Variants in TNKS observed in about 807,000 individuals in gnomAD.
The protein encoded by TNKS is poly [ADP-ribose] polymerase tankyrase-1.
TNKS carries 72 observed loss-of-function variants against 135.8 expected under a neutral mutation model. That is an observed-to-expected ratio of 0.53 (90% CI 0.44 to 0.64). The LOEUF (loss-of-function observed/expected upper bound fraction) is 0.64, where lower values mean the gene tolerates loss of function less well. Among genes scored for constraint, TNKS ranks in the 30% least tolerant of loss-of-function variants. The pLI, the probability that TNKS is intolerant of heterozygous loss-of-function variation, is 0.00. For missense variants in TNKS, 1,769 were observed against 1,674.0 expected (o/e 1.06, Z -0.99); for synonymous variants, 849 against 649.3 (o/e 1.31, Z -4.68).
At chr8:9,682,375 A>T (rs1227997057) in intron 5 of TNKS, among the ~76,000 whole-genome samples, 1 of 152,116 alleles carries the variant, frequency 6.6e-6, no homozygotes, top group Non-Finnish European at 1.5e-5. Context: ...AGTGCAATAA[A>T]TCATAATAAT....
intron 1 of TNKS, among the ~76,000 whole-genome samples, chr8:9,569,575 T>G (rs956580077): frequency 1.3e-5 from 2 of 152,250 alleles, no homozygotes; most frequent in Admixed American, 1.3e-4. Flanking sequence ...ACTTACCCAT[T>G]CTACTGTTGA....
chr8:9,729,771 C>CTTTTTTTTTTTTTTT (rs763357075), intron 13 of TNKS, among the ~76,000 whole-genome samples: 1 of 95,016 alleles, frequency 1.1e-5, no homozygotes, highest in Non-Finnish European at 1.9e-5. Context: ...ATATGATATT[C>CTTTTTTTTTTTTTTT]TTTTTTTTTT....
At chr8:9,763,715 T>C (rs1807270604) in intron 22 of TNKS, among the ~76,000 whole-genome samples, 1 of 152,182 alleles carries the variant, frequency 6.6e-6, no homozygotes, top group South Asian at 2.1e-4. Context: ...CCAGTCACAG[T>C]TCTTCTGAGC....
chr8:9,703,741 A>G (rs999058402), intron 5 of TNKS, among the ~76,000 whole-genome samples: 2 of 152,354 alleles, frequency 1.3e-5, no homozygotes, highest in African/African-American at 4.8e-5. Context: ...GACCCCAAAT[A>G]GAAGACAGGA....
rs897112136 is a variant in TNKS at position 9,706,816 on chromosome 8, A to T, written c.1275A>T (p.Gly425=). 6.2e-7 allele frequency: 1 copy of T among 1,608,694 alleles called. No individual in the cohort carries two copies. The highest frequency in any genetic ancestry group is 8.5e-7 in the Non-Finnish European group (1 of 1,178,502). ...YEVTELLLKH[G]ACVNAMDLWQ... is the part of the protein sequence containing the mutation. ...TGTTTTTTTTCTCAATTCAGCATGG[A>T]GCTTGTGTTAATGCCATGGATCTCT... Residue 425 remains glycine, a synonymous_variant, in exon 8 of 27, where the codon GGA becomes GGT. Transcript: ENST00000310430.
At chr8:9,565,207 G>A (rs944655979) in intron 1 of TNKS, among the ~76,000 whole-genome samples, 1 of 152,162 alleles carries the variant, frequency 6.6e-6, no homozygotes, top group East Asian at 1.9e-4. Context: ...AAAGCAGCGT[G>A]AGGGTAAACT....
At chr8:9,758,023 G>A (rs1235251620) in intron 20 of TNKS, among the ~76,000 whole-genome samples, 1 of 152,148 alleles carries the variant, frequency 6.6e-6, no homozygotes, top group Non-Finnish European at 1.5e-5. Flanking sequence ...TCCTTTTAAA[G>A]AATATAAACA....
At chr8:9,559,730 C>T (rs1304163625) in intron 1 of TNKS, among the ~76,000 whole-genome samples, 1 of 152,098 alleles carries the variant, frequency 6.6e-6, no homozygotes, top group East Asian at 1.9e-4. Context: ...TTAAAGATCT[C>T]AGATGTGGTA....
intron 3 of TNKS, among the ~76,000 whole-genome samples, chr8:9,629,884 G>A (rs1023538872): frequency 2.0e-5 from 3 of 152,020 alleles, no homozygotes; most frequent in Non-Finnish European, 2.9e-5. Flanking sequence ...GGGTTTCACC[G>A]TGTTAGCCAG....
At position 9,680,947 on chromosome 8, in the gene TNKS, A is replaced by T. The variant is rs1348598230; in HGVS notation, c.1107+147A>T. 5.5e-6 allele frequency: 3 copies of T among 546,470 alleles called. No homozygotes were observed. In the African/African-American group the frequency reaches 5.7e-5, roughly 10 times the overall value. The allele number at this position is 546,470 out of a possible 1,614,324, so 33.9% of individuals were successfully genotyped here. A position where few individuals can be genotyped will look rare whatever the true frequency, so the allele number is the denominator to read the frequency against. On this transcript the variant is annotated intron_variant, in intron 5 of 26. Coordinates refer to ENST00000310430, the MANE Select transcript of TNKS (RefSeq NM_003747.3). ...TAAATGAAATGCTACTATATCTGTTATTGGCAGTTGTGACACATTCATAGA... is the reference window on the plus strand; with the variant it reads ...TAAATGAAATGCTACTATATCTGTTTTTGGCAGTTGTGACACATTCATAGA...
At chr8:9,678,364 G>A (rs892425057) in intron 3 of TNKS, among the ~76,000 whole-genome samples, 16 of 152,026 alleles carry the variant, frequency 1.1e-4, no homozygotes, top group Non-Finnish European at 4.4e-5. Context: ...GGGAAGGCAG[G>A]AACTTAAATA....
chr8:9,680,086 C>A, intron 4 of TNKS, 99 bp downstream of exon 4: 3 of 861,486 alleles, frequency 3.5e-6, no homozygotes, highest in Non-Finnish European at 3.9e-6. Flanking sequence ...TATTGTCTTG[C>A]TTGGATTTTA....
chr8:9,678,110 G>A (rs889193018), intron 3 of TNKS, among the ~76,000 whole-genome samples: 1 of 152,050 alleles, frequency 6.6e-6, no homozygotes, highest in Admixed American at 6.5e-5. Flanking sequence ...AATATTCCTT[G>A]AGGTCAGAGA....
At chr8:9,761,438 A>G (rs1427812333) in intron 20 of TNKS, 78 bp from the exon 21 acceptor site, 3 of 1,455,074 alleles carry the variant, frequency 2.1e-6, no homozygotes, top group Non-Finnish European at 1.9e-6. Flanking sequence ...TACTCGTAGC[A>G]TTGAAGGCAA....
At chr8:9,631,748 G>A (rs1800297367) in intron 3 of TNKS, among the ~76,000 whole-genome samples, 2 of 148,456 alleles carry the variant, frequency 1.3e-5, no homozygotes, top group Admixed American at 1.3e-4. Flanking sequence ...AACAAAATCT[G>A]ACATGGTTGG....
intron 2 of TNKS, among the ~76,000 whole-genome samples, chr8:9,594,764 A>G (rs1798711071): frequency 6.6e-6 from 1 of 152,190 alleles, no homozygotes; most frequent in African/African-American, 2.4e-5. Flanking sequence ...TATAAACAGT[A>G]GTATAAAGAA....
chr8:9,639,801 C>T (rs954792961), intron 3 of TNKS, among the ~76,000 whole-genome samples: 2 of 152,074 alleles, frequency 1.3e-5, no homozygotes, highest in African/African-American at 4.8e-5. Context: ...AGCAAAAGGG[C>T]TTCTTTGAGT....
At chr8:9,569,064 C>G (rs191624022) in intron 1 of TNKS, among the ~76,000 whole-genome samples, 17 of 152,106 alleles carry the variant, frequency 1.1e-4, no homozygotes, top group Admixed American at 6.5e-4. Context: ...TGCCACTAAT[C>G]TCATCAGAAA....
rs138960920 is a variant in TNKS, at chr8:9,741,772, C to G, written c.2644-6252C>G. 3.2e-4 allele frequency: 156 copies of G among 493,924 alleles called. 1 individual carries two copies. Among genetic ancestry groups the G allele is most frequent in the Non-Finnish European group, 5.4e-4 (125 of 229,964 alleles). 30.6% of individuals were successfully genotyped at this position (493,924 alleles called of 1,614,324 possible). On this transcript the variant is annotated intron_variant, in intron 17 of 26. Transcript: ENST00000310430. ...AGCGTAATGTAGAGTACTGGTCGAC[C>G]TTGTCTAACTTCACGTTCCCTTGAG...
Sources: gnomAD v4.1 joint callset for allele counts (sites outside exome capture counted in the v4.1 genomes callset) on GRCh38, gnomAD v4.1.1 for gene constraint, MANE v1.5 for transcripts, NCBI Gene and HGNC (gene_info 2026-07-23, HGNC 2026-07-21) for gene names.